Variants in PDE7B observed in about 807,000 individuals in gnomAD.
PDE7B encodes 3',5'-cyclic-AMP phosphodiesterase 7B.
A neutral mutation model predicts 56.2 loss-of-function variants in PDE7B; 29 were observed. The observed-to-expected ratio is 0.52, with a 90% confidence interval of 0.38 to 0.70. The LOEUF is 0.70. PDE7B is among the 30% of genes least tolerant of loss of function. The probability of loss-of-function intolerance (pLI) is 0.00; values close to 1 mark genes in which losing one functional copy is unlikely to be tolerated. For missense variants in PDE7B, 490 were observed against 565.0 expected (o/e 0.87, Z 1.35); for synonymous variants, 197 against 196.9 (o/e 1.00, Z 0.00).
At chr6:136,098,824 G>A (rs372668413) in intron 2 of PDE7B, among the ~76,000 whole-genome samples, 5 of 151,162 alleles carry the variant, frequency 3.3e-5, no homozygotes, top group African/African-American at 1.2e-4. Flanking sequence ...TGAGCACAAC[G>A]TGCAGGTTTG....
intron 1 of PDE7B, among the ~76,000 whole-genome samples, chr6:135,947,131 C>T (rs1307295701): frequency 6.6e-6 from 1 of 152,050 alleles, no homozygotes; most frequent in African/African-American, 2.4e-5. Context: ...GAATAATTAG[C>T]CGCAGATTAT....
intron 8 of PDE7B, among the ~76,000 whole-genome samples, chr6:136,167,794 ACT>A (rs1778818712): frequency 6.6e-6 from 1 of 152,092 alleles, no homozygotes; most frequent in Non-Finnish European, 1.5e-5. Context: ...ATTTATAGAA[ACT>A]CTGTGTGAGG....
chr6:135,908,262 A>G (rs887453036), intron 1 of PDE7B, among the ~76,000 whole-genome samples: 1 of 148,080 alleles, frequency 6.8e-6, no homozygotes, highest in African/African-American at 2.5e-5. Flanking sequence ...CTAATTTTGT[A>G]TTTTTTTTTT....
In PDE7B at chr6:136,193,292, G is replaced by A. The variant is rs539861783; in HGVS notation, c.*1452G>A. ...GGTTGGTGTGCATTTCTTTAGTGTC[G>A]ATAGTAACTGGATTTTTCTTTTTCC... On this transcript the variant is annotated 3_prime_UTR_variant, in exon 13 of 13. Transcript: ENST00000308191. 7 of 152,726 alleles carry A rather than the reference G, an allele frequency of 4.6e-5. No homozygotes were observed. The highest frequency in any genetic ancestry group is 3.9e-4 in the East Asian group (2 of 5,184). The allele number at this position is 152,726 out of a possible 1,614,324, so 9.5% of individuals were successfully genotyped here.
At chr6:136,020,664 A>T (rs1247284824) in intron 2 of PDE7B, among the ~76,000 whole-genome samples, 1 of 151,684 alleles carries the variant, frequency 6.6e-6, no homozygotes, top group Non-Finnish European at 1.5e-5. Flanking sequence ...TTGTCCATAT[A>T]ACACTTCTAC....
rs149669640 is a variant in PDE7B at position 135,941,469 on chromosome 6, T to A, written c.22-5995T>A. Among the ~76,000 whole-genome samples the A allele has an allele frequency of 9.9e-3, 1,511 of 152,368 alleles. 17 individuals carry two copies. The highest frequency in any genetic ancestry group is 0.037 in the Middle Eastern group (11 of 294). On this transcript the variant is annotated intron_variant, in intron 1 of 12. Transcript: ENST00000308191. ...ACCCTGGATCACTGCCACAGTGCTGTGTTCTTGAAGTCAACAACTCAGTGA... is the reference window on the plus strand; with the variant it reads ...ACCCTGGATCACTGCCACAGTGCTGAGTTCTTGAAGTCAACAACTCAGTGA...
At chr6:136,006,980 T>C (rs985044134) in intron 2 of PDE7B, among the ~76,000 whole-genome samples, 1 of 152,214 alleles carries the variant, frequency 6.6e-6, no homozygotes, top group Non-Finnish European at 1.5e-5. Context: ...CATTCTTGTC[T>C]TCTGTCAGTT....
chr6:136,108,450 T>A (rs544986436), intron 2 of PDE7B, among the ~76,000 whole-genome samples: 228 of 152,224 alleles, frequency 1.5e-3, no homozygotes, highest in African/African-American at 5.1e-3. Flanking sequence ...CTGGGAAGCA[T>A]AAAAAGACTT....
chr6:136,183,401 G>A (rs73555094), intron 11 of PDE7B, among the ~76,000 whole-genome samples: 14,904 of 151,734 alleles, frequency 0.098, 2,418 homozygotes, highest in African/African-American at 0.34. Flanking sequence ...AGATCATCCC[G>A]GCTAACACGG....
At chr6:136,117,066 T>C (rs1777844280) in intron 3 of PDE7B, 1 of 152,202 alleles carries the variant, frequency 6.6e-6, no homozygotes, top group South Asian at 2.1e-4. Context: ...ATTTGCTAAC[T>C]CACCTGAACA....
At chr6:135,972,448 C>T (rs1375037915) in intron 2 of PDE7B, among the ~76,000 whole-genome samples, 1 of 151,866 alleles carries the variant, frequency 6.6e-6, no homozygotes, top group South Asian at 2.1e-4. Context: ...TGGGAAGGAA[C>T]AGAAGATTGT....
At chr6:136,000,723 G>A (rs1403242752) in intron 2 of PDE7B, among the ~76,000 whole-genome samples, 1 of 152,180 alleles carries the variant, frequency 6.6e-6, no homozygotes, top group Non-Finnish European at 1.5e-5. Flanking sequence ...AGATTGCCTT[G>A]GCTAAGGAGG....
chr6:136,134,499 G>T (rs1778175460), intron 3 of PDE7B, among the ~76,000 whole-genome samples: 1 of 151,932 alleles, frequency 6.6e-6, no homozygotes, highest in Admixed American at 6.6e-5. Context: ...CATTGCGCCT[G>T]GCATGTATTT....
intron 1 of PDE7B, among the ~76,000 whole-genome samples, chr6:135,929,407 T>A (rs1463237082): frequency 6.6e-6 from 1 of 152,202 alleles, no homozygotes; most frequent in Non-Finnish European, 1.5e-5. Flanking sequence ...ATGTAGCTTG[T>A]TAGAATTGAG....
intron 1 of PDE7B, among the ~76,000 whole-genome samples, chr6:135,905,807 G>A (rs1370680483): frequency 6.6e-6 from 1 of 152,118 alleles, no homozygotes; most frequent in Non-Finnish European, 1.5e-5. Context: ...CCTTTTTCTG[G>A]ACAGAAAGGA....
intron 8 of PDE7B, among the ~76,000 whole-genome samples, chr6:136,169,213 T>C (rs907429798): frequency 1.3e-5 from 2 of 152,022 alleles, no homozygotes; most frequent in Non-Finnish European, 2.9e-5. Context: ...AATGTTAGTC[T>C]CTCCTCTCTA....
chr6:136,058,137 G>A (rs1273097599), intron 2 of PDE7B, among the ~76,000 whole-genome samples: 5 of 152,144 alleles, frequency 3.3e-5, no homozygotes, highest in Admixed American at 2.0e-4. Context: ...CTCTTGACAA[G>A]TGGCAGATCT....
intron 2 of PDE7B, among the ~76,000 whole-genome samples, chr6:136,031,566 C>T (rs994185139): frequency 2.9e-4 from 44 of 151,626 alleles, no homozygotes; most frequent in Middle Eastern, 3.4e-3. Context: ...GGTGAAACCC[C>T]GTCTCTACTA....
At chr6:136,005,530 G>A (rs1775765694) in intron 2 of PDE7B, among the ~76,000 whole-genome samples, 1 of 152,160 alleles carries the variant, frequency 6.6e-6, no homozygotes, top group Admixed American at 6.6e-5. Context: ...CAACCCCATT[G>A]AAAAGTGGGT....
Sources: gnomAD v4.1 joint callset for allele counts (sites outside exome capture counted in the v4.1 genomes callset) on GRCh38, gnomAD v4.1.1 for gene constraint, MANE v1.5 for transcripts, NCBI Gene and HGNC (gene_info 2026-07-23, HGNC 2026-07-21) for gene names.